HPSE2: variants seen among roughly 807,000 people sequenced by gnomAD.
HPSE2 encodes inactive heparanase-2.
HPSE2 carries 38 observed loss-of-function variants against 60.5 expected under a neutral mutation model. The ratio of observed to expected loss-of-function variants is 0.63; its 90% confidence interval spans 0.48 to 0.82. HPSE2 has a LOEUF of 0.82. HPSE2 is among the 40% of genes least tolerant of loss of function. The probability of loss-of-function intolerance (pLI) is 0.00; values close to 1 mark genes in which losing one functional copy is unlikely to be tolerated. For missense variants in HPSE2, 713 were observed against 740.4 expected (o/e 0.96, Z 0.43); for synonymous variants, 295 against 293.2 (o/e 1.01, Z -0.06).
intron 3 of HPSE2, among the ~76,000 whole-genome samples, chr10:98,763,475 A>G (rs181945912): frequency 5.9e-5 from 9 of 151,454 alleles, no homozygotes; most frequent in Admixed American, 5.9e-4. Flanking sequence ...GAAAAGCAAC[A>G]TATTACATAT....
chr10:98,520,088 G>A (rs941768377), intron 9 of HPSE2, among the ~76,000 whole-genome samples: 2 of 152,088 alleles, frequency 1.3e-5, no homozygotes, highest in Admixed American at 6.5e-5. Context: ...ATTCCATCTG[G>A]CACGCATGGC....
At chr10:99,138,742 G>C (rs1195104641) in intron 3 of HPSE2, among the ~76,000 whole-genome samples, 4 of 152,090 alleles carry the variant, frequency 2.6e-5, no homozygotes, top group Non-Finnish European at 5.9e-5. Flanking sequence ...GGGCCTTTTG[G>C]GCGATGGGGG....
At chr10:98,501,508 G>A (rs1244864139) in intron 9 of HPSE2, among the ~76,000 whole-genome samples, 3 of 152,136 alleles carry the variant, frequency 2.0e-5, no homozygotes, top group Non-Finnish European at 4.4e-5. Context: ...ATCTCTTTAT[G>A]ATTAAAACTC....
chr10:98,715,745 T>A (rs761524575), intron 5 of HPSE2, among the ~76,000 whole-genome samples: 1 of 152,098 alleles, frequency 6.6e-6, no homozygotes, highest in Non-Finnish European at 1.5e-5. Context: ...CTAAAAATGA[T>A]AACGATCATC....
chr10:98,815,838 G>A (rs748715142), intron 3 of HPSE2, among the ~76,000 whole-genome samples: 2 of 151,926 alleles, frequency 1.3e-5, no homozygotes, highest in South Asian at 2.1e-4. Flanking sequence ...ACGAATTTAC[G>A]TAAGATTTAA....
At chr10:99,163,491 C>A (rs144146537) in intron 2 of HPSE2, among the ~76,000 whole-genome samples, 1 of 152,226 alleles carries the variant, frequency 6.6e-6, no homozygotes, top group Non-Finnish European at 1.5e-5. Context: ...TATGTATGTA[C>A]ACGTGTGTAC....
At chr10:99,251,957 T>C in the HPSE2 span, among the ~76,000 whole-genome samples, 1 of 151,194 alleles carries the variant, frequency 6.6e-6, no homozygotes, top group Non-Finnish European at 1.5e-5. Flanking sequence ...GAGAACTGCT[T>C]AAGCCCAGTA....
At chr10:98,838,369 A>T (rs1374661378) in intron 3 of HPSE2, among the ~76,000 whole-genome samples, 1 of 152,210 alleles carries the variant, frequency 6.6e-6, no homozygotes, top group Non-Finnish European at 1.5e-5. Flanking sequence ...AGAGCCTGGC[A>T]CATAGCTGAA....
chr10:99,013,713 C>T (rs1217444739), intron 3 of HPSE2: 3 of 211,060 alleles, frequency 1.4e-5, no homozygotes, highest in African/African-American at 7.1e-5. Context: ...CTCAGGTGAT[C>T]CACCCACCTC....
intron 6 of HPSE2, among the ~76,000 whole-genome samples, chr10:98,655,383 G>A (rs879390685): frequency 2.0e-5 from 3 of 152,128 alleles, no homozygotes; most frequent in Non-Finnish European, 4.4e-5. Flanking sequence ...TAGTTCATAC[G>A]AATTCTCCAG....
chr10:99,247,144 C>T, the HPSE2 span, among the ~76,000 whole-genome samples: 50 of 152,294 alleles, frequency 3.3e-4, no homozygotes, highest in African/African-American at 1.1e-3. Context: ...ACCCTTCCAT[C>T]GCCACTGTAA....
chr10:99,120,111 A>C (rs530457815), intron 3 of HPSE2, among the ~76,000 whole-genome samples: 6 of 152,346 alleles, frequency 3.9e-5, no homozygotes, highest in African/African-American at 1.2e-4. Flanking sequence ...AATTAAACTA[A>C]AGAGCTTTTG....
At chr10:98,687,990 G>A (rs1419186546) in intron 6 of HPSE2, among the ~76,000 whole-genome samples, 2 of 151,846 alleles carry the variant, frequency 1.3e-5, no homozygotes, top group African/African-American at 4.8e-5. Flanking sequence ...TTTGCTATTT[G>A]ATTTTTTTCC....
At chr10:99,312,549 G>A in the HPSE2 span, among the ~76,000 whole-genome samples, 5 of 152,264 alleles carry the variant, frequency 3.3e-5, no homozygotes, top group East Asian at 1.9e-4. Context: ...TAAACCCATC[G>A]TTGAGAACTA....
chr10:98,600,917 A>ATGTGTGTGTG (rs10682909), intron 9 of HPSE2, among the ~76,000 whole-genome samples: 6,124 of 47,916 alleles, frequency 0.13, 477 homozygotes, highest in East Asian at 0.3. Context: ...GTGTGTATAT[A>ATGTGTGTGTG]TATATATATA....
intron 7 of HPSE2, among the ~76,000 whole-genome samples, chr10:98,639,934 T>C (rs539079386): frequency 1.3e-5 from 2 of 152,226 alleles, no homozygotes; most frequent in Non-Finnish European, 2.9e-5. Flanking sequence ...TTGTACACTA[T>C]TGTAATATAA....
intron 3 of HPSE2, among the ~76,000 whole-genome samples, chr10:99,099,837 T>C (rs1158106645): frequency 6.6e-6 from 1 of 152,058 alleles, no homozygotes; most frequent in Non-Finnish European, 1.5e-5. Flanking sequence ...TGTTCAGCAA[T>C]ATTCACCGTT....
rs186458180 is a variant in HPSE2, at chr10:98,691,660, C to G, written c.1004+2240G>C. 3.3e-5 allele frequency among the ~76,000 whole-genome samples: 5 copies of G among 152,306 alleles called. No homozygotes were observed. In the East Asian group the frequency reaches 9.6e-4, roughly 29 times the overall value. On this transcript the variant is annotated intron_variant, in intron 6 of 11. Coordinates refer to ENST00000370552, the MANE Select transcript of HPSE2 (RefSeq NM_021828.5). ...TTGGTGAGGACACTGAACAGAGTTT[C>G]AGTAAAGGGACATTATCTTGTTATC...
At chr10:98,747,333 T>C (rs183078511) in intron 3 of HPSE2, among the ~76,000 whole-genome samples, 1 of 152,336 alleles carries the variant, frequency 6.6e-6, no homozygotes, top group East Asian at 1.9e-4. Context: ...CTGATATTCC[T>C]TTTGGATAGA....
Sources: gnomAD v4.1 joint callset for allele counts (sites outside exome capture counted in the v4.1 genomes callset) on GRCh38, gnomAD v4.1.1 for gene constraint, MANE v1.5 for transcripts, NCBI Gene and HGNC (gene_info 2026-07-23, HGNC 2026-07-21) for gene names.